The following POU6F2 variants were observed in gnomAD, a reference collection of about 807,000 sequenced individuals.
POU6F2 encodes POU domain, class 6, transcription factor 2.
POU6F2 carries 31 observed loss-of-function variants against 71.3 expected under a neutral mutation model. The observed-to-expected ratio is 0.43, with a 90% CI of 0.33 to 0.59. The LOEUF (loss-of-function observed/expected upper bound fraction) is 0.59. Ranked by LOEUF, POU6F2 falls within the 20% of genes least tolerant of loss-of-function variation. The pLI is 0.04. For missense variants in POU6F2, 783 were observed against 856.8 expected (o/e 0.91, Z 1.07); for synonymous variants, 347 against 355.7 (o/e 0.98, Z 0.27).
At chr7:39,010,199 G>T (rs1282726967) in intron 1 of POU6F2, among the ~76,000 whole-genome samples, 1 of 137,412 alleles carries the variant, frequency 7.3e-6, no homozygotes, top group Non-Finnish European at 1.6e-5. Flanking sequence ...CACAATTTCA[G>T]ATCCTGTTAT....
chr7:39,197,529 C>T (rs956758212), intron 2 of POU6F2, among the ~76,000 whole-genome samples: 1 of 152,154 alleles, frequency 6.6e-6, no homozygotes, highest in African/African-American at 2.4e-5. Flanking sequence ...GCATGAAAGC[C>T]CAGAACATGT....
intron 2 of POU6F2, among the ~76,000 whole-genome samples, chr7:39,142,318 C>T (rs528460858): frequency 6.6e-5 from 10 of 152,090 alleles, no homozygotes; most frequent in South Asian, 4.1e-4. Context: ...AACATTATAC[C>T]GTGAGCCGTA....
intron 1 of POU6F2, 116 bp from the exon 2 acceptor site, chr7:39,085,744 G>A: frequency 9.5e-7 from 1 of 1,048,006 alleles, no homozygotes; most frequent in Non-Finnish European, 1.4e-6. Context: ...AGAGGAGAGA[G>A]GGAGAGTGTG....
At chr7:39,339,077 A>AT (rs3072124) in intron 4 of POU6F2, among the ~76,000 whole-genome samples, 51,120 of 139,666 alleles carry the variant, frequency 0.37, 8,904 homozygotes, top group East Asian at 0.6. Context: ...CTGCTTTTGA[A>AT]TTTTTAAAAA....
chr7:39,216,081 T>A (rs1286810918), intron 4 of POU6F2, among the ~76,000 whole-genome samples: 1 of 152,202 alleles, frequency 6.6e-6, no homozygotes, highest in Admixed American at 6.5e-5. Flanking sequence ...ACTCACACGC[T>A]GTTGGCCAGA....
chr7:39,416,244 G>A (rs1583585253), intron 6 of POU6F2, among the ~76,000 whole-genome samples: 1 of 152,142 alleles, frequency 6.6e-6, no homozygotes, highest in East Asian at 1.9e-4. Flanking sequence ...CAGACAGGTA[G>A]TGTCAGGGAA....
chr7:39,292,869 G>A (rs951078291), intron 4 of POU6F2, among the ~76,000 whole-genome samples: 3 of 152,142 alleles, frequency 2.0e-5, no homozygotes, highest in Admixed American at 6.5e-5. Context: ...TTGGGGGGCT[G>A]CAGGGATGGC....
At chr7:39,188,258 G>A (rs574912460) in intron 2 of POU6F2, among the ~76,000 whole-genome samples, 1 of 152,302 alleles carries the variant, frequency 6.6e-6, no homozygotes, top group African/African-American at 2.4e-5. Context: ...GGCAGTGCAT[G>A]TGAAGCAAAA....
intron 1 of POU6F2, among the ~76,000 whole-genome samples, chr7:39,020,655 C>G (rs998711498): frequency 2.0e-5 from 3 of 152,046 alleles, no homozygotes; most frequent in Admixed American, 6.6e-5. Context: ...CAGCTACTGT[C>G]TATTTTTTAT....
intron 4 of POU6F2, among the ~76,000 whole-genome samples, chr7:39,243,917 T>C (rs939114988): frequency 1.3e-5 from 2 of 152,080 alleles, no homozygotes; most frequent in African/African-American, 4.8e-5. Flanking sequence ...CATTGACAGT[T>C]CCAGACCTAC....
chr7:39,174,125 T>C (rs971580307), intron 2 of POU6F2, among the ~76,000 whole-genome samples: 1 of 152,204 alleles, frequency 6.6e-6, no homozygotes, highest in African/African-American at 2.4e-5. Context: ...CTCCCTTCAG[T>C]TCACCCTGGA....
chr7:39,185,271 C>G (rs779496039), intron 2 of POU6F2, among the ~76,000 whole-genome samples: 3 of 152,026 alleles, frequency 2.0e-5, no homozygotes, highest in Non-Finnish European at 2.9e-5. Flanking sequence ...AGTCCAGTGA[C>G]GATATACAGC....
chr7:39,085,737 GGA>G (rs1791225996), intron 1 of POU6F2, 121 bp from the exon 2 acceptor site: 2 of 981,916 alleles, frequency 2.0e-6, no homozygotes. Context: ...AAGAGAGAGA[GGA>G]GAGAGGGAGA....
chr7:39,358,459 A>G (rs1015837398), intron 5 of POU6F2, among the ~76,000 whole-genome samples: 4 of 152,202 alleles, frequency 2.6e-5, no homozygotes, highest in Non-Finnish European at 5.9e-5. Flanking sequence ...AAAAGTTTTA[A>G]TCAGATGGGG....
intron 2 of POU6F2, among the ~76,000 whole-genome samples, chr7:39,123,437 G>C (rs761870771): frequency 3.3e-5 from 5 of 152,206 alleles, no homozygotes; most frequent in African/African-American, 4.8e-5. Flanking sequence ...TGTTTGATTA[G>C]ATACTTGTGA....
At chr7:39,012,608 T>C (rs1271333893) in intron 1 of POU6F2, among the ~76,000 whole-genome samples, 2 of 152,146 alleles carry the variant, frequency 1.3e-5, no homozygotes, top group African/African-American at 2.4e-5. Context: ...CTCTGCATTT[T>C]AGAGTTTCCA....
At chr7:39,343,375 G>A (rs1209968492) in intron 5 of POU6F2, among the ~76,000 whole-genome samples, 3 of 147,940 alleles carry the variant, frequency 2.0e-5, no homozygotes, top group African/African-American at 7.5e-5. Flanking sequence ...AACATAAATG[G>A]AAGCAATCTT....
At position 39,214,332 on chromosome 7, in the gene POU6F2, C is replaced by T. The variant is rs187279854; in HGVS notation, c.598+6712C>T. On this transcript the variant is annotated intron_variant, in intron 4 of 9. Transcript: ENST00000518318. ...CAGAAAGCATCAAGCCTTCCTTCCTCCTCCTCCCCTGCCCCAGCACTCCTG... is the reference window on the plus strand; with the variant it reads ...CAGAAAGCATCAAGCCTTCCTTCCTTCTCCTCCCCTGCCCCAGCACTCCTG... Among the ~76,000 whole-genome samples the T allele has an allele frequency of 2.0e-5, 3 of 152,292 alleles. No homozygotes were observed. In the East Asian group the frequency reaches 5.8e-4, roughly 29 times the overall value.
intron 1 of POU6F2, among the ~76,000 whole-genome samples, chr7:39,001,160 G>A (rs181329756): frequency 6.6e-6 from 1 of 152,092 alleles, no homozygotes; most frequent in East Asian, 1.9e-4. Flanking sequence ...TGCATAGTTG[G>A]TAAATAGTTT....
Sources: allele counts gnomAD v4.1 joint callset (sites outside exome capture counted in the v4.1 genomes callset), GRCh38; gene constraint gnomAD v4.1.1; transcripts MANE v1.5; gene names NCBI Gene and HGNC (gene_info 2026-07-23, HGNC 2026-07-21).